The following TMEM91 variants were observed in gnomAD, a reference collection of about 807,000 sequenced individuals.
TMEM91 encodes the protein transmembrane protein 91, also known as dispanin subfamily C member 3.
A neutral mutation model predicts 13.3 loss-of-function variants in TMEM91; 6 were observed. That is an observed-to-expected ratio of 0.45 (90% confidence interval 0.25 to 0.89). TMEM91 has a LOEUF of 0.89. TMEM91 is among the 40% of genes least tolerant of loss of function. The probability of loss-of-function intolerance (pLI) is 0.19; values close to 1 mark genes in which losing one functional copy is unlikely to be tolerated. For synonymous variants in TMEM91, 87 were observed against 101.7 expected (o/e 0.86, Z 0.87); for missense variants, 193 against 228.7 (o/e 0.84, Z 1.01).
At chr19:41,380,082 A>G (rs1459171675) in intron 2 of TMEM91, among the ~76,000 whole-genome samples, 1 of 151,590 alleles carries the variant, frequency 6.6e-6, no homozygotes, top group African/African-American at 2.4e-5. Flanking sequence ...TTTAGTAGAG[A>G]CAGGGTTTCA....
At chr19:41,373,850 C>T (rs911836404), upstream of TMEM91, 9 of 151,640 alleles carry the variant, frequency 5.9e-5, no homozygotes, top group African/African-American at 2.2e-4. Flanking sequence ...TGCCACTGCA[C>T]TCCAGCCTTG....
chr19:41,379,621 GAGAAAGAAGGAAGGA>G (rs1385617556), intron 2 of TMEM91, among the ~76,000 whole-genome samples: 5 of 150,134 alleles, frequency 3.3e-5, no homozygotes, highest in Non-Finnish European at 5.9e-5. Context: ...GAGAGAAAGA[GAGAAAGAAGGAAGGA>G]AGAAAGAAGG....
intron 3 of TMEM91, chr19:41,383,155 G>C (rs2038932691): frequency 1.8e-6 from 1 of 563,002 alleles, no homozygotes; most frequent in Non-Finnish European, 3.0e-6. Flanking sequence ...TTGGGTTCAA[G>C]TGATTCTCCT....
At chr19:41,382,075 A>G (rs1271642764) in intron 2 of TMEM91, among the ~76,000 whole-genome samples, 1 of 151,806 alleles carries the variant, frequency 6.6e-6, no homozygotes, top group African/African-American at 2.4e-5. Context: ...CATGTTGGCC[A>G]GGCTGGTCTC....
rs568095017 is a variant in TMEM91 at position 41,364,557 on chromosome 19, T to C, written c.-30+462T>C. Among the ~76,000 whole-genome samples the C allele has an allele frequency of 7.2e-5, 11 of 151,868 alleles. No homozygotes were observed. In the South Asian group the frequency reaches 2.3e-3, roughly 32 times the overall value. On this transcript the variant is annotated intron_variant, in intron 1 of 3. Coordinates refer to the TMEM91 transcript ENST00000413014. ...GTAACTGGAAAACAAAGCAAAAAAA[T>C]CACTCCTCATTCAGAGAGTGGAGAA...
At chr19:41,375,973 A>T (rs954042727), upstream of TMEM91, among the ~76,000 whole-genome samples, 4 of 152,040 alleles carry the variant, frequency 2.6e-5, no homozygotes, top group African/African-American at 9.7e-5. Flanking sequence ...TACAAAAATT[A>T]GCTGGGCGTG....
At chr19:41,368,175 C>T (rs543595397) in intron 1 of TMEM91, among the ~76,000 whole-genome samples, 1 of 152,042 alleles carries the variant, frequency 6.6e-6, no homozygotes, top group Non-Finnish European at 1.5e-5. Flanking sequence ...CATTGAGAGG[C>T]CACAGCAACA....
rs2038815798 is a variant in TMEM91, at chr19:41,379,382, A to G, written c.210+863A>G. Among the ~76,000 whole-genome samples, 3 of 151,126 alleles carry G rather than the reference A, an allele frequency of 2.0e-5. No homozygotes were observed. In the Admixed American group the frequency reaches 2.0e-4, roughly 10 times the overall value. On this transcript the variant is annotated intron_variant, in intron 2 of 3. Transcript: ENST00000392002. ...GACCCCATCTTAAAAAAAAAAAAAA[A>G]AATTAGCCAGGTGTGATGGCGTGTT... is the stretch of plus-strand genomic sequence containing the variant.
At chr19:41,378,588 C>G (rs1294996033) in intron 2 of TMEM91, 69 bp downstream of exon 2, 14 of 1,542,670 alleles carry the variant, frequency 9.1e-6, no homozygotes, top group Non-Finnish European at 1.2e-5. Context: ...AGGCCAGCAT[C>G]TGGCAGGTTG....
chr19:41,373,106 TTTTG>T (rs2038650499), upstream of TMEM91, among the ~76,000 whole-genome samples: 1 of 152,046 alleles, frequency 6.6e-6, no homozygotes, highest in African/African-American at 2.4e-5. Context: ...ACCCAGCTGA[TTTTG>T]TTTATTTTTT....
chr19:41,366,312 G>A (rs1243864973), intron 1 of TMEM91, among the ~76,000 whole-genome samples: 1 of 151,894 alleles, frequency 6.6e-6, no homozygotes, highest in Non-Finnish European at 1.5e-5. Flanking sequence ...CCCCCATTTT[G>A]TCCATCAGGA....
chr19:41,375,341 C>T (rs183638827), upstream of TMEM91, among the ~76,000 whole-genome samples: 18 of 122,496 alleles, frequency 1.5e-4, no homozygotes, highest in African/African-American at 5.7e-4. Context: ...TGCAGTGGCG[C>T]GATCTCGGCT....
chr19:41,365,045 CTTT>C (rs1455595205), intron 1 of TMEM91, among the ~76,000 whole-genome samples: 1 of 142,708 alleles, frequency 7.0e-6, no homozygotes. Flanking sequence ...CTGGCTAATT[CTTT>C]TTTTTTTTTT....
At chr19:41,375,273 CTTT>C (rs906641411), upstream of TMEM91, among the ~76,000 whole-genome samples, 3 of 58,646 alleles carry the variant, frequency 5.1e-5, no homozygotes, top group East Asian at 9.7e-4. Flanking sequence ...ATTTTCTTTT[CTTT>C]TTTTTTTTTT....
upstream of TMEM91, among the ~76,000 whole-genome samples, chr19:41,374,799 T>C (rs1187741874): frequency 6.6e-6 from 1 of 151,998 alleles, no homozygotes; most frequent in Non-Finnish European, 1.5e-5. Flanking sequence ...GCCTGACTCA[T>C]ATGGAGAAAC....
intron 1 of TMEM91, among the ~76,000 whole-genome samples, chr19:41,364,379 A>G (rs1173475254): frequency 3.9e-5 from 6 of 152,152 alleles, no homozygotes; most frequent in African/African-American, 1.4e-4. Context: ...AGTTTCTCCC[A>G]GATACCTTCT....
intron 1 of TMEM91, among the ~76,000 whole-genome samples, chr19:41,371,321 C>CCTTCCTTG (rs1183741718): frequency 7.3e-6 from 1 of 137,744 alleles, no homozygotes; most frequent in Admixed American, 7.3e-5. Context: ...CTCCTTCCTT[C>CCTTCCTTG]CTTCCTTCCT....
At chr19:41,368,439 A>C (rs985177704) in intron 1 of TMEM91, among the ~76,000 whole-genome samples, 2 of 139,470 alleles carry the variant, frequency 1.4e-5, no homozygotes, top group Non-Finnish European at 1.6e-5. Context: ...GGGGGTGGTT[A>C]TTGGGTTTTT....
upstream of TMEM91, among the ~76,000 whole-genome samples, chr19:41,372,812 C>T (rs1056425684): frequency 1.3e-5 from 2 of 152,044 alleles, no homozygotes; most frequent in African/African-American, 4.8e-5. Context: ...AATAAGTAAT[C>T]TAGGGGAAGC....
Sources: gnomAD v4.1 joint callset for allele counts (sites outside exome capture counted in the v4.1 genomes callset) on GRCh38, gnomAD v4.1.1 for gene constraint, MANE v1.5 for transcripts, NCBI Gene and HGNC (gene_info 2026-07-23, HGNC 2026-07-21) for gene names.